Variants in LUZP1 observed in about 807,000 individuals in gnomAD.
The protein encoded by LUZP1 is filamin mechanobinding actin cross-linking protein.
A neutral mutation model predicts 71.3 loss-of-function variants in LUZP1; 25 were observed. That is an observed-to-expected ratio of 0.35 (90% CI 0.26 to 0.49). The LOEUF (loss-of-function observed/expected upper bound fraction) is 0.49. LUZP1 is among the 20% of genes least tolerant of loss of function. The pLI, the probability that LUZP1 is intolerant of heterozygous loss-of-function variation, is 0.99. For missense variants in LUZP1, 1,142 were observed against 1,300.8 expected (o/e 0.88, Z 1.88); for synonymous variants, 481 against 506.4 (o/e 0.95, Z 0.67).
chr1:23,147,221 A>G (rs985723951), intron 2 of LUZP1, among the ~76,000 whole-genome samples: 7 of 151,862 alleles, frequency 4.6e-5, no homozygotes, highest in Non-Finnish European at 8.8e-5. Flanking sequence ...CGGGTGGATC[A>G]CTTTAGGTCA....
chr1:23,101,336 A>T (rs150884677), intron 3 of LUZP1, among the ~76,000 whole-genome samples: 1 of 152,306 alleles, frequency 6.6e-6, no homozygotes, highest in South Asian at 2.1e-4. Context: ...CTATTATTCT[A>T]TTCAGCTTTC....
chr1:23,098,278 G>T (rs920361700), intron 3 of LUZP1, among the ~76,000 whole-genome samples: 2 of 152,210 alleles, frequency 1.3e-5, no homozygotes, highest in African/African-American at 4.8e-5. Flanking sequence ...AGAAACTAAT[G>T]AAGTGAAGGT....
intron 2 of LUZP1, among the ~76,000 whole-genome samples, chr1:23,146,274 C>A (rs2124719175): frequency 6.6e-6 from 1 of 152,308 alleles, no homozygotes; most frequent in South Asian, 2.1e-4. Context: ...CCTCAGACAC[C>A]CAAAATGCTG....
chr1:23,097,537 T>C (rs1054930144), intron 3 of LUZP1, among the ~76,000 whole-genome samples: 5 of 152,136 alleles, frequency 3.3e-5, no homozygotes, highest in African/African-American at 7.2e-5. Flanking sequence ...TTAGACTACA[T>C]GTGAAGCATG....
intron 2 of LUZP1, among the ~76,000 whole-genome samples, chr1:23,144,326 C>T (rs1006693698): frequency 1.4e-5 from 2 of 147,312 alleles, no homozygotes; most frequent in African/African-American, 2.5e-5. Context: ...CAGGTGCTGA[C>T]AGCTGAGAGA....
intron 1 of LUZP1, among the ~76,000 whole-genome samples, chr1:23,170,642 T>C: frequency 6.6e-6 from 1 of 151,970 alleles, no homozygotes; most frequent in Non-Finnish European, 1.5e-5. Context: ...AATTTTTGTA[T>C]TTTTAGTAGA....
At chr1:23,103,227 G>C (rs890881018) in intron 3 of LUZP1, among the ~76,000 whole-genome samples, 1 of 151,750 alleles carries the variant, frequency 6.6e-6, no homozygotes, top group South Asian at 2.1e-4. Context: ...TTACAGACGC[G>C]AGCCACCGCC....
chr1:23,132,835 G>A (rs1644225261), intron 2 of LUZP1, among the ~76,000 whole-genome samples: 1 of 152,184 alleles, frequency 6.6e-6, no homozygotes, highest in Non-Finnish European at 1.5e-5. Flanking sequence ...AGAAGTTGCT[G>A]AGAAGAAAAT....
At chr1:23,085,548 G>A (rs1017097223) in exon 5 of LUZP1, 2 of 152,482 alleles carry the variant, frequency 1.3e-5, no homozygotes, top group African/African-American at 4.8e-5. Context: ...CAGCCTCTGG[G>A]TCCCCATTCC....
At chr1:23,142,849 G>T (rs974005733) in intron 2 of LUZP1, among the ~76,000 whole-genome samples, 4 of 151,786 alleles carry the variant, frequency 2.6e-5, no homozygotes, top group African/African-American at 9.7e-5. Context: ...TCACAGAAGA[G>T]AAGATACCTA....
At chr1:23,085,289 C>T (rs1643746848) in exon 5 of LUZP1, 2 of 152,482 alleles carry the variant, frequency 1.3e-5, no homozygotes, top group Non-Finnish European at 2.9e-5. Flanking sequence ...CTTTCTTAGC[C>T]CTCTCAATCT....
intron 3 of LUZP1, among the ~76,000 whole-genome samples, chr1:23,102,362 C>T (rs926057757): frequency 6.6e-6 from 1 of 152,162 alleles, no homozygotes; most frequent in Non-Finnish European, 1.5e-5. Flanking sequence ...CCTGGCAGAT[C>T]AGGAAGGTCT....
chr1:23,123,704 T>C (rs1400046552), intron 2 of LUZP1, among the ~76,000 whole-genome samples: 1 of 152,160 alleles, frequency 6.6e-6, no homozygotes, highest in Non-Finnish European at 1.5e-5. Context: ...TAGCTCTCCC[T>C]GCTCTCAGGC....
At chr1:23,099,889 T>C (rs1295768760) in intron 3 of LUZP1, among the ~76,000 whole-genome samples, 2 of 152,184 alleles carry the variant, frequency 1.3e-5, no homozygotes, top group East Asian at 3.9e-4. Flanking sequence ...CCCTTCATGA[T>C]GTGGCCCCGC....
intron 3 of LUZP1, among the ~76,000 whole-genome samples, chr1:23,103,529 C>T (rs1053521237): frequency 1.3e-5 from 2 of 151,942 alleles, no homozygotes; most frequent in African/African-American, 4.8e-5. Context: ...ACTCAGCTTC[C>T]GTTCAAACAC....
intron 1 of LUZP1, among the ~76,000 whole-genome samples, chr1:23,174,385 C>T (rs1035462796): frequency 2.0e-5 from 3 of 152,172 alleles, no homozygotes; most frequent in African/African-American, 7.2e-5. Flanking sequence ...TGCCCACCCA[C>T]ATTGGTGGAG....
At chr1:23,153,599 A>T (rs1013704818) in intron 2 of LUZP1, among the ~76,000 whole-genome samples, 30 of 151,922 alleles carry the variant, frequency 2.0e-4, no homozygotes, top group Admixed American at 1.4e-3. Context: ...AATTTTTCAT[A>T]AGGCTAAATT....
At chr1:23,096,788 C>A (rs1228992344) in intron 3 of LUZP1, among the ~76,000 whole-genome samples, 3 of 152,082 alleles carry the variant, frequency 2.0e-5, no homozygotes. Context: ...GCCTGAACAA[C>A]ATGATGAGAC....
At chr1:23,149,542 T>C (rs1265445360) in intron 2 of LUZP1, among the ~76,000 whole-genome samples, 2 of 152,152 alleles carry the variant, frequency 1.3e-5, no homozygotes, top group Non-Finnish European at 2.9e-5. Context: ...GCTAGGAAAA[T>C]GTCTGAATAT....
Sources: allele counts gnomAD v4.1 joint callset (sites outside exome capture counted in the v4.1 genomes callset), GRCh38; gene constraint gnomAD v4.1.1; transcripts MANE v1.5; gene names NCBI Gene and HGNC (gene_info 2026-07-23, HGNC 2026-07-21).